The following SLC24A3 variants were observed in gnomAD, a reference collection of about 807,000 sequenced individuals.
SLC24A3 encodes the protein sodium/potassium/calcium exchanger 3.
SLC24A3 carries 28 observed loss-of-function variants against 75.8 expected under a neutral mutation model. That is an observed-to-expected ratio of 0.37 (90% confidence interval 0.27 to 0.51). The LOEUF (loss-of-function observed/expected upper bound fraction) is 0.51, where lower values mean the gene tolerates loss of function less well. Ranked by LOEUF, SLC24A3 falls within the 20% of genes least tolerant of loss-of-function variation. The pLI, the probability that SLC24A3 is intolerant of heterozygous loss-of-function variation, is 0.94. For synonymous variants in SLC24A3, 372 were observed against 334.1 expected (o/e 1.11, Z -1.24); for missense variants, 663 against 847.8 (o/e 0.78, Z 2.71).
intron 1 of SLC24A3, among the ~76,000 whole-genome samples, chr20:19,214,253 C>T (rs1443322698): frequency 1.3e-5 from 2 of 152,074 alleles, no homozygotes; most frequent in East Asian, 1.9e-4. Flanking sequence ...CAAGACTCCA[C>T]GGCTCTCTCC....
intron 2 of SLC24A3, among the ~76,000 whole-genome samples, chr20:19,461,551 G>C (rs1167057523): frequency 2.7e-5 from 1 of 37,358 alleles, no homozygotes; most frequent in Non-Finnish European, 5.4e-5. Context: ...TTTTTTTTTT[G>C]AGGTGGAGTC....
chr20:19,593,191 T>A (rs941519592), intron 6 of SLC24A3, among the ~76,000 whole-genome samples: 15 of 152,138 alleles, frequency 9.9e-5, no homozygotes, highest in African/African-American at 3.4e-4. Context: ...GGCACAAATG[T>A]CATTTCTTTC....
At chr20:19,291,257 T>G (rs528765124) in intron 2 of SLC24A3, among the ~76,000 whole-genome samples, 6 of 152,238 alleles carry the variant, frequency 3.9e-5, no homozygotes, top group African/African-American at 1.4e-4. Context: ...GAGGCCCAGG[T>G]AGGCCTGGTC....
At chr20:19,446,402 T>A (rs1487305153) in intron 2 of SLC24A3, among the ~76,000 whole-genome samples, 1 of 152,234 alleles carries the variant, frequency 6.6e-6, no homozygotes, top group African/African-American at 2.4e-5. Context: ...GAAAAAGATG[T>A]TAATTCTCCA....
chr20:19,507,037 G>T (rs1185190391), intron 2 of SLC24A3, among the ~76,000 whole-genome samples: 2 of 152,182 alleles, frequency 1.3e-5, no homozygotes, highest in Non-Finnish European at 2.9e-5. Context: ...GCATTGAAAT[G>T]TCTCTAAAAC....
intron 1 of SLC24A3, among the ~76,000 whole-genome samples, chr20:19,220,101 A>G (rs1051445266): frequency 6.6e-6 from 1 of 152,208 alleles, no homozygotes. Context: ...TGACCTTTTC[A>G]TGTTTAGTTG....
At chr20:19,468,119 G>T (rs1402624488) in intron 2 of SLC24A3, among the ~76,000 whole-genome samples, 1 of 152,136 alleles carries the variant, frequency 6.6e-6, no homozygotes, top group African/African-American at 2.4e-5. Flanking sequence ...GATTGGATGG[G>T]TCAAGAGTGA....
chr20:19,376,247 T>G (rs552797513), intron 2 of SLC24A3, among the ~76,000 whole-genome samples: 1 of 152,362 alleles, frequency 6.6e-6, no homozygotes, highest in East Asian at 1.9e-4. Flanking sequence ...TTATTATTAA[T>G]GAAACTGCCA....
At chr20:19,628,222 AG>A (rs370201201) in intron 6 of SLC24A3, among the ~76,000 whole-genome samples, 26 of 149,086 alleles carry the variant, frequency 1.7e-4, no homozygotes, top group South Asian at 4.3e-4. Context: ...AAAAAAAAAA[AG>A]AAAAAGAAAA....
At position 19,685,369 on chromosome 20, in the gene SLC24A3, G is replaced by A. The variant is rs374361361; in HGVS notation, c.1324+8G>A. 6.2e-7 allele frequency: 1 copy of A among 1,611,552 alleles called. No individual in the cohort carries two copies. Among genetic ancestry groups the A allele is most frequent in the Non-Finnish European group, 8.5e-7 (1 of 1,177,904 alleles). On this transcript the variant is annotated splice_region_variant and intron_variant, in intron 12 of 16. Transcript: ENST00000328041. ...CACCATTCGACACCCCCTGTAAGAGGTTCTATGTCTGGGCTGGGGTTGGGA... is the reference window on the plus strand; with the variant it reads ...CACCATTCGACACCCCCTGTAAGAGATTCTATGTCTGGGCTGGGGTTGGGA...
In SLC24A3 at chr20:19,288,870, T is replaced by C. The variant is rs181573308; in HGVS notation, c.271+7783T>C. Among the ~76,000 whole-genome samples, 194 of 152,300 alleles carry C rather than the reference T, an allele frequency of 1.3e-3. 2 individuals carry two copies. The highest frequency in any genetic ancestry group is 4.5e-3 in the African/African-American group (189 of 41,562). ...TTTTATTGGAACACAGCCACACACA[T>C]CCATTTATGTGTTTCTATGGCAACT... On this transcript the variant is annotated intron_variant, in intron 2 of 16. Coordinates refer to ENST00000328041, the MANE Select transcript of SLC24A3 (RefSeq NM_020689.4).
chr20:19,364,945 C>A, intron 2 of SLC24A3, among the ~76,000 whole-genome samples: 1 of 152,144 alleles, frequency 6.6e-6, no homozygotes, highest in East Asian at 1.9e-4. Flanking sequence ...AAAGTAAGTT[C>A]TAAGAACTAA....
Position 19,558,445 on chromosome 20 carries a change from T to G in SLC24A3, c.349-21555T>G, listed in dbSNP as rs376577353. 4.5e-4 allele frequency among the ~76,000 whole-genome samples: 69 copies of G among 152,208 alleles called. No individual in the cohort carries two copies. In the Middle Eastern group the frequency reaches 0.01, roughly 23 times the overall value. ...ACAGTGCAATTATCAAGATCACAAA[T>G]TTGACGTCTACAGACATTTTTAAAC... is the stretch of plus-strand genomic sequence containing the variant. On this transcript the variant is annotated intron_variant, in intron 3 of 16. Coordinates refer to ENST00000328041, the MANE Select transcript of SLC24A3 (RefSeq NM_020689.4).
chr20:19,443,718 G>A (rs1987332786), intron 2 of SLC24A3, among the ~76,000 whole-genome samples: 1 of 152,178 alleles, frequency 6.6e-6, no homozygotes. Flanking sequence ...TTGAATAGGA[G>A]TAGTGAGAGG....
chr20:19,232,718 C>G (rs1982057553), intron 1 of SLC24A3, among the ~76,000 whole-genome samples: 1 of 152,232 alleles, frequency 6.6e-6, no homozygotes, highest in Admixed American at 6.5e-5. Flanking sequence ...GTTGGCTAAG[C>G]TATCTGCCTT....
chr20:19,701,505 C>G (rs1428024269), intron 15 of SLC24A3, among the ~76,000 whole-genome samples: 1 of 152,180 alleles, frequency 6.6e-6, no homozygotes, highest in Non-Finnish European at 1.5e-5. Flanking sequence ...ACTTGCATAT[C>G]ATGGTCTGAA....
chr20:19,278,029 C>T (rs184885029), intron 1 of SLC24A3, among the ~76,000 whole-genome samples: 155 of 151,880 alleles, frequency 1.0e-3, no homozygotes, highest in African/African-American at 3.4e-3. Flanking sequence ...GGTGCTCGAC[C>T]GATATTACTT....
Position 19,219,914 on chromosome 20 carries a change from C to T in SLC24A3, c.142+6930C>T, listed in dbSNP as rs76818561. Among the ~76,000 whole-genome samples the T allele has an allele frequency of 2.2e-3, 331 of 152,278 alleles. 3 individuals are homozygous for T. Among genetic ancestry groups the T allele is most frequent in the East Asian group, 0.018 (91 of 5,182 alleles). Reference sequence around the variant, plus strand: ...TGGCACTCCAGACACTGCGGGGGACCATCATCAGGGGACCTGGTTATAGGA... The same window carrying T: ...TGGCACTCCAGACACTGCGGGGGACTATCATCAGGGGACCTGGTTATAGGA... On this transcript the variant is annotated intron_variant, in intron 1 of 16. Coordinates refer to ENST00000328041, the MANE Select transcript of SLC24A3 (RefSeq NM_020689.4).
intron 2 of SLC24A3, among the ~76,000 whole-genome samples, chr20:19,363,143 C>T (rs1985823042): frequency 6.6e-6 from 1 of 152,176 alleles, no homozygotes; most frequent in Non-Finnish European, 1.5e-5. Context: ...CCCCCGAGGC[C>T]CCTCACTTCC....
Sources: gnomAD v4.1 joint callset for allele counts (sites outside exome capture counted in the v4.1 genomes callset) on GRCh38, gnomAD v4.1.1 for gene constraint, MANE v1.5 for transcripts, NCBI Gene and HGNC (gene_info 2026-07-23, HGNC 2026-07-21) for gene names.